FKBP9: variants seen among roughly 807,000 people sequenced by gnomAD.
The protein encoded by FKBP9 is peptidyl-prolyl cis-trans isomerase FKBP9.
FKBP9 carries 27 observed loss-of-function variants against 55.6 expected under a neutral mutation model. The observed-to-expected ratio is 0.49, with a 90% confidence interval of 0.36 to 0.67. FKBP9 has a LOEUF of 0.67. Ranked by LOEUF, FKBP9 falls within the 30% of genes least tolerant of loss-of-function variation. The pLI is 0.00. For missense variants in FKBP9, 539 were observed against 742.8 expected (o/e 0.73, Z 3.19); for synonymous variants, 267 against 296.5 (o/e 0.90, Z 1.02).
intron 7 of FKBP9, among the ~76,000 whole-genome samples, chr7:32,996,809 A>T: frequency 6.5e-5 from 2 of 30,634 alleles, no homozygotes; most frequent in Non-Finnish European, 1.1e-4. Flanking sequence ...TTTTTTTGAG[A>T]CGGAGTCTCG....
intron 1 of FKBP9, among the ~76,000 whole-genome samples, chr7:32,973,266 T>C (rs1262650863): frequency 6.6e-6 from 1 of 152,126 alleles, no homozygotes; most frequent in Non-Finnish European, 1.5e-5. Flanking sequence ...AAGATAAAGG[T>C]GTGAGTCACA....
intron 1 of FKBP9, among the ~76,000 whole-genome samples, chr7:32,973,650 A>G (rs1270429696): frequency 2.0e-5 from 3 of 148,256 alleles, no homozygotes; most frequent in African/African-American, 7.5e-5. Context: ...TTAGGTACCA[A>G]TCATATAGAA....
At chr7:32,999,742 T>G (rs1474863629) in intron 7 of FKBP9, among the ~76,000 whole-genome samples, 8 of 152,110 alleles carry the variant, frequency 5.3e-5, no homozygotes, top group African/African-American at 1.7e-4. Flanking sequence ...CCAGGGTTTT[T>G]TGTCTTGTTT....
At chr7:32,992,009 C>A (rs1246872679) in intron 6 of FKBP9, among the ~76,000 whole-genome samples, 1 of 152,190 alleles carries the variant, frequency 6.6e-6, no homozygotes, top group Non-Finnish European at 1.5e-5. Context: ...GAGAGTTCCA[C>A]CCATGTGTCC....
At chr7:32,960,108 C>CTT (rs398004304) in intron 1 of FKBP9, among the ~76,000 whole-genome samples, 10,203 of 98,472 alleles carry the variant, frequency 0.1, 825 homozygotes, top group East Asian at 0.15. Context: ...TTGTACTTGT[C>CTT]TTTTTTTTTT....
rs539280442 is a variant in FKBP9 at position 32,983,323 on chromosome 7, CT to C, written c.893+2779del. Among the ~76,000 whole-genome samples, 18 of 142,952 alleles carry C rather than the reference CT, an allele frequency of 1.3e-4. 1 individual carries two copies. In the South Asian group the frequency reaches 3.7e-3, roughly 29 times the overall value. The allele number at this position is 142,952 out of a possible 152,430, so 93.8% of individuals were successfully genotyped here. ...ATAGGTGTGAGCCACTGCGCCCTGC[CT>C]TTTTTTTTGAGACAGTATCTTGCTT... On this transcript the variant is annotated intron_variant, in intron 5 of 9. Coordinates refer to ENST00000242209, the MANE Select transcript of FKBP9 (RefSeq NM_007270.5).
At chr7:32,977,793 A>ATATATACTTATATATATATATG in intron 4 of FKBP9, among the ~76,000 whole-genome samples, 1 of 145,834 alleles carries the variant, frequency 6.9e-6, no homozygotes, top group African/African-American at 2.5e-5. Flanking sequence ...CTCCATATAT[A>ATATATACTTATATATATATATG]TATATATACT....
intron 5 of FKBP9, among the ~76,000 whole-genome samples, chr7:32,982,826 G>A (rs955070175): frequency 9.9e-5 from 15 of 152,188 alleles, no homozygotes; most frequent in Non-Finnish European, 5.9e-5. Flanking sequence ...GTATAGATTT[G>A]CCTATATTTA....
Position 32,996,152 on chromosome 7 carries a change from C to T in FKBP9, c.1040-11C>T. On this transcript the variant is annotated splice_polypyrimidine_tract_variant and intron_variant, in intron 6 of 9. Transcript: ENST00000242209. Reference sequence around the variant, plus strand: ...GGGGTCATTCATTAATTCCCCGTGTCTGTCCTTTAGGGAATATCCCCGGCT... The same window carrying T: ...GGGGTCATTCATTAATTCCCCGTGTTTGTCCTTTAGGGAATATCCCCGGCT... 6.2e-7 allele frequency: 1 copy of T among 1,613,348 alleles called. No homozygotes were observed. The highest frequency in any genetic ancestry group is 8.5e-7 in the Non-Finnish European group (1 of 1,179,448).
At chr7:32,988,365 C>A (rs1164282948) in intron 5 of FKBP9, 142 bp from the exon 6 acceptor site, 7 of 753,478 alleles carry the variant, frequency 9.3e-6, no homozygotes, top group Non-Finnish European at 1.5e-5. Context: ...TGTTTCCTGG[C>A]TGTGTCGTCA....
chr7:32,977,799 A>T (rs1406015000), intron 4 of FKBP9, among the ~76,000 whole-genome samples: 1 of 135,524 alleles, frequency 7.4e-6, no homozygotes, highest in East Asian at 2.9e-4. Flanking sequence ...ATATATATAT[A>T]TACTTATATA....
At chr7:32,979,573 A>G in intron 4 of FKBP9, 1 of 1,549,694 alleles carries the variant, frequency 6.5e-7, no homozygotes, top group Non-Finnish European at 8.7e-7. Context: ...GCATGATATA[A>G]CAAATGGCAG....
At chr7:32,992,409 CAG>C (rs1354801755) in intron 6 of FKBP9, among the ~76,000 whole-genome samples, 6 of 152,144 alleles carry the variant, frequency 3.9e-5, no homozygotes. Flanking sequence ...GCAGGAGCTG[CAG>C]AGTTTCTTGG....
intron 4 of FKBP9, among the ~76,000 whole-genome samples, chr7:32,977,795 A>G (rs1562567205): frequency 6.9e-6 from 1 of 145,598 alleles, no homozygotes; most frequent in Non-Finnish European, 1.5e-5. Context: ...CCATATATAT[A>G]TATATACTTA....
At position 32,957,682 on chromosome 7, in the gene FKBP9, C is replaced by A. The variant is rs1208903520; in HGVS notation, c.109C>A (p.Gln37Lys). 5 of 1,527,852 alleles carry A rather than the reference C, an allele frequency of 3.3e-6. No individual in the cohort carries two copies. The highest frequency in any genetic ancestry group is 1.7e-4 in the Middle Eastern group (1 of 5,906). 94.6% of individuals were successfully genotyped at this position (1,527,852 alleles called of 1,614,324 possible). A position where few individuals can be genotyped will look rare whatever the true frequency, so the allele number is the denominator to read the frequency against. Residue 37 changes from glutamine (Q) to lysine (K), a missense_variant, in exon 1 of 10, where the codon CAG becomes AAG. Around this residue, in one of 4 missense-constraint regions of FKBP9, gnomAD observed 236 missense variants for 271.5 expected, o/e 0.87. Coordinates refer to ENST00000242209, the MANE Select transcript of FKBP9 (RefSeq NM_007270.5). Reference protein sequence around the residue: ...VAGLGSDAELQIERRFVPDEC... With the variant: ...VAGLGSDAELKIERRFVPDEC... ...GGGCCTGGGCTCCGACGCGGAGCTG[C>A]AGATCGAGCGGCGCTTCGTGCCCGA...
rs184245484 is a variant in FKBP9 at position 33,003,748 on chromosome 7, C to G, written c.1536+909C>G. Among the ~76,000 whole-genome samples the G allele has an allele frequency of 4.6e-4, 70 of 152,330 alleles. 1 individual carries two copies. In the East Asian group the frequency reaches 5.8e-3, roughly 13 times the overall value. The stretch of plus-strand genomic sequence containing the variant: ...TGTTCCTTCTACCTCCCTGGTACGT[C>G]CCTCTCAGGCCTCTTGTCCCTGATC... On this transcript the variant is annotated intron_variant, in intron 9 of 9. Coordinates refer to ENST00000242209, the MANE Select transcript of FKBP9 (RefSeq NM_007270.5).
rs777441645 is a variant in FKBP9 at position 32,988,538 on chromosome 7, A to G, written c.925A>G (p.Ile309Val). Residue 309 changes from isoleucine to valine, a missense_variant, in exon 6 of 10, where the codon ATT (isoleucine) becomes GTT (valine). Transcript: ENST00000242209. ...TCGGAACCGCACGTTTGACACGTAC[A>G]TTGGGCAGGGCTACGTGATTCCTGG... ...YSRNRTFDTYIGQGYVIPGMD... is the reference protein window; with the variant it reads ...YSRNRTFDTYVGQGYVIPGMD... 1 of 1,613,768 alleles carries G rather than the reference A, an allele frequency of 6.2e-7. No homozygotes were observed.
chr7:32,976,004 C>T (rs189959239), intron 3 of FKBP9, among the ~76,000 whole-genome samples: 1 of 152,168 alleles, frequency 6.6e-6, no homozygotes, highest in African/African-American at 2.4e-5. Context: ...TTATAGTTTT[C>T]CCATGGAAGC....
At chr7:32,963,757 T>C (rs1784075318) in intron 1 of FKBP9, 2 of 1,283,376 alleles carry the variant, frequency 1.6e-6, no homozygotes, top group Non-Finnish European at 9.9e-7. Context: ...TCTCTCCCAC[T>C]AGAAAAAGAG....
Sources: gnomAD v4.1 joint callset for allele counts (sites outside exome capture counted in the v4.1 genomes callset) on GRCh38, gnomAD v4.1.1 for gene constraint, gnomAD v4.1.1 regional missense constraint, MANE v1.5 for transcripts, NCBI Gene and HGNC (gene_info 2026-07-23, HGNC 2026-07-21) for gene names.